C17orf113: variants seen among roughly 807,000 people sequenced by gnomAD.
C17orf113 encodes chromosome 17 open reading frame 113.
C17orf113 carries 5 observed loss-of-function variants against 11.6 expected under a neutral mutation model. That is an observed-to-expected ratio of 0.43 (90% confidence interval 0.23 to 0.91). The LOEUF (loss-of-function observed/expected upper bound fraction) is 0.91. C17orf113 is among the 40% of genes least tolerant of loss of function. The pLI, the probability that C17orf113 is intolerant of heterozygous loss-of-function variation, is 0.26. For missense variants in C17orf113, 714 were observed against 841.3 expected, an observed-to-expected ratio of 0.85 and a Z score of 1.87; for synonymous variants, 327 against 390.6, an observed-to-expected ratio of 0.84 and a Z score of 1.92.
chr17:42,043,315 C>T lies in C17orf113; in HGVS notation c.62G>A (p.Arg21His), dbSNP rs566673078. Residue 21 changes from arginine (R) to histidine (H), a missense_variant, in exon 2 of 3, where the codon CGT becomes CAT. Transcript: ENST00000587304. The stretch of plus-strand genomic sequence containing the variant: ...CTCTTTCCAGTGCTCGTTGAAGTAA[C>T]GCTTACACTTCTTGTTGGAGTTGGA... ...EASNSNKKCK[R>H]YFNEHWKEEF... 7 of 1,232,242 alleles carry T rather than the reference C, an allele frequency of 5.7e-6. No individual in the cohort carries two copies. The highest frequency in any genetic ancestry group is 4.6e-5 in the African/African-American group (3 of 64,538). The allele number at this position is 1,232,242 out of a possible 1,614,324, so 76.3% of individuals were successfully genotyped here. A position where few individuals can be genotyped will look rare whatever the true frequency, so the allele number is the denominator to read the frequency against.
intron 2 of C17orf113, among the ~76,000 whole-genome samples, chr17:42,041,809 T>C (rs2143659300): frequency 6.6e-6 from 1 of 152,218 alleles, no homozygotes; most frequent in South Asian, 2.1e-4. Flanking sequence ...ACACAGTTAG[T>C]ACCTAGGACA....
Position 42,038,316 on chromosome 17 carries a change from T to A in C17orf113, c.*1389A>T. 1 of 472,570 alleles carries A rather than the reference T, an allele frequency of 2.1e-6. No homozygotes were observed. The highest frequency in any genetic ancestry group is 2.9e-5 in the South Asian group (1 of 34,558). 29.3% of individuals were successfully genotyped at this position (472,570 alleles called of 1,614,324 possible). The stretch of plus-strand genomic sequence containing the variant: ...AGGCTAGCCCTCGCCCCTCTCACTC[T>A]CTAACTATCCTCCCTCCCTCCAGAT... On this transcript the variant is annotated 3_prime_UTR_variant, in exon 3 of 3. Coordinates refer to ENST00000587304, the MANE Select transcript of C17orf113 (RefSeq NM_001358661.2).
intron 2 of C17orf113, among the ~76,000 whole-genome samples, 200 bp downstream of exon 2, chr17:42,042,634 G>C (rs2053052385): frequency 6.6e-6 from 1 of 152,190 alleles, no homozygotes; most frequent in Non-Finnish European, 1.5e-5. Context: ...TAAGAGGCCT[G>C]GTCTGGCCTC....
chr17:42,047,621 C>A (rs2053193672), intron 1 of C17orf113, among the ~76,000 whole-genome samples: 1 of 151,750 alleles, frequency 6.6e-6, no homozygotes, highest in African/African-American at 2.4e-5. Context: ...GAAAGGCTGC[C>A]AGATGCAATC....
intron 2 of C17orf113, among the ~76,000 whole-genome samples, chr17:42,042,510 A>C (rs2053048714): frequency 6.6e-6 from 1 of 151,616 alleles, no homozygotes; most frequent in Non-Finnish European, 1.5e-5. Context: ...TGACAGAGTG[A>C]GATTCCTCAA....
chr17:42,042,156 G>C (rs1219417156), intron 2 of C17orf113, among the ~76,000 whole-genome samples: 1 of 152,092 alleles, frequency 6.6e-6, no homozygotes, highest in Non-Finnish European at 1.5e-5. Context: ...AGGATTGCTT[G>C]AGGCCAGGAG....
At chr17:42,047,066 C>CT (rs2053178759) in intron 1 of C17orf113, among the ~76,000 whole-genome samples, 2 of 132,760 alleles carry the variant, frequency 1.5e-5, no homozygotes, top group Non-Finnish European at 3.1e-5. Context: ...CAATTTCACT[C>CT]TGTCACCCAG....
At chr17:42,043,780 A>G (rs1325322636) in intron 1 of C17orf113, among the ~76,000 whole-genome samples, 1 of 152,128 alleles carries the variant, frequency 6.6e-6, no homozygotes, top group Non-Finnish European at 1.5e-5. Context: ...GCCCCCTCCC[A>G]GGGTCTCTTT....
At chr17:42,041,272 G>C (rs2053014592) in intron 2 of C17orf113, 83 bp from the exon 3 acceptor site, 1 of 1,159,684 alleles carries the variant, frequency 8.6e-7, no homozygotes. Context: ...CGGGGTGGTG[G>C]AAAGAGCCCA....
rs1449985663 is a variant in C17orf113, at chr17:42,042,943, T to C, written c.434A>G (p.Asn145Ser). 4.1e-6 allele frequency: 5 copies of C among 1,232,374 alleles called. No homozygotes were observed. Among genetic ancestry groups the C allele is most frequent in the South Asian group, 8.2e-5 (2 of 24,326 alleles). 76.3% of individuals were successfully genotyped at this position (1,232,374 alleles called of 1,614,324 possible). A position where few individuals can be genotyped will look rare whatever the true frequency, so the allele number is the denominator to read the frequency against. Residue 145 changes from asparagine (N) to serine (S), a missense_variant, in exon 2 of 3, where the codon AAT becomes AGT. Coordinates refer to ENST00000587304, the MANE Select transcript of C17orf113 (RefSeq NM_001358661.2). The part of the protein sequence containing the change: ...VYCMAKEDVP[N>S]DRCSALLELQ... ...CTCGAGCAGGGCAGAGCAGCGGTCA[T>C]TGGGCACATCCTCCTTTGCCATGCA...
At chr17:42,047,628 A>G (rs1194824433) in intron 1 of C17orf113, among the ~76,000 whole-genome samples, 1 of 151,812 alleles carries the variant, frequency 6.6e-6, no homozygotes, top group Non-Finnish European at 1.5e-5. Context: ...TGCCAGATGC[A>G]ATCGTAACTT....
chr17:42,042,036 A>G (rs75771390), intron 2 of C17orf113, among the ~76,000 whole-genome samples: 17,213 of 152,158 alleles, frequency 0.11, 1,138 homozygotes, highest in African/African-American at 0.17. Flanking sequence ...TTTTTCAAAA[A>G]CATTATGAAA....
At chr17:42,047,198 A>C (rs2053181855) in intron 1 of C17orf113, among the ~76,000 whole-genome samples, 1 of 151,762 alleles carries the variant, frequency 6.6e-6, no homozygotes, top group Admixed American at 6.6e-5. Flanking sequence ...TGCCCGGCTA[A>C]TTTTTTTGTA....
In C17orf113 at chr17:42,039,789, CGG is replaced by C; in HGVS notation, c.1942_1943del (p.Pro648AlafsTer5). The C allele has an allele frequency of 4.1e-6, 5 of 1,228,712 alleles. No individual in the cohort carries two copies. The highest frequency in any genetic ancestry group is 5.1e-6 in the Non-Finnish European group (5 of 986,002). The allele number at this position is 1,228,712 out of a possible 1,614,324, so 76.1% of individuals were successfully genotyped here. A position where few individuals can be genotyped will look rare whatever the true frequency, so the allele number is the denominator to read the frequency against. Reference protein sequence around the residue: ...HMVKIAVDGPPLHEFDFGLAV... With the variant: ...HMVKIAVDGPXLHEFDFGLAV... The stretch of plus-strand genomic sequence containing the variant: ...CCAACCCGAAGTCAAACTCGTGCAG[CGG>C]GGGCCCATCCACTGCGATCTTCACC... On this transcript the variant is annotated frameshift_variant, in exon 3 of 3. Coordinates refer to ENST00000587304, the MANE Select transcript of C17orf113 (RefSeq NM_001358661.2). LOFTEE classifies it high-confidence loss of function.
intron 1 of C17orf113, 83 bp from the exon 2 acceptor site, chr17:42,043,646 G>A: frequency 3.3e-6 from 1 of 304,184 alleles, no homozygotes. Flanking sequence ...GCTTCATGCT[G>A]CCCACAGAGT....
chr17:42,042,563 C>T (rs886643085), intron 2 of C17orf113, among the ~76,000 whole-genome samples: 70 of 152,194 alleles, frequency 4.6e-4, no homozygotes, highest in African/African-American at 1.6e-3. Flanking sequence ...TCAATCAAGC[C>T]TCCAGGCCAC....
chr17:42,042,976 G>A lies in C17orf113; in HGVS notation c.401C>T (p.Thr134Ile). ...LDPAKVAVLT[T>I]VYCMAKEDVP... ...ATCCTCCTTTGCCATGCAGTACACAGTAGTCAGCACAGCCACTTTGGCCGG... is the reference window on the plus strand; with the variant it reads ...ATCCTCCTTTGCCATGCAGTACACAATAGTCAGCACAGCCACTTTGGCCGG... Residue 134 changes from threonine to isoleucine, a missense_variant, in exon 2 of 3, where the codon ACT (threonine) becomes ATT (isoleucine). By Grantham distance (89) the Thr-to-Ile change is moderately conservative. This residue lies in a region of C17orf113 where 516 missense variants were observed against 626.6 expected (regional missense o/e 0.82). Transcript: ENST00000587304. 8.1e-7 allele frequency: 1 copy of A among 1,232,464 alleles called. No individual in the cohort carries two copies. The allele number at this position is 1,232,464 out of a possible 1,614,324, so 76.3% of individuals were successfully genotyped here. A position where few individuals can be genotyped will look rare whatever the true frequency, so the allele number is the denominator to read the frequency against.
At chr17:42,047,977 G>A (rs1327447390) in intron 1 of C17orf113, among the ~76,000 whole-genome samples, 1 of 152,036 alleles carries the variant, frequency 6.6e-6, no homozygotes, top group Non-Finnish European at 1.5e-5. Context: ...GTGGCACTTG[G>A]TGATGCTCAC....
rs966696523 is a variant in C17orf113 at position 42,050,112 on chromosome 17, C to T, written c.-188+445G>A. Among the ~76,000 whole-genome samples, 1 of 152,188 alleles carries T rather than the reference C, an allele frequency of 6.6e-6. No homozygotes were observed. The highest frequency in any genetic ancestry group is 2.1e-4 in the South Asian group (1 of 4,832). ...AAGGCTGACCAGGAGGGCACACTTG[C>T]TGCAGACACAGGTCTCCTCTCATTT... is the stretch of plus-strand genomic sequence containing the variant. On this transcript the variant is annotated intron_variant, in intron 1 of 2. Transcript: ENST00000587304. The surrounding 1 kb of genome is among the most constrained non-coding windows in gnomAD (Gnocchi z 5.6).
Sources: allele counts gnomAD v4.1 joint callset (sites outside exome capture counted in the v4.1 genomes callset), GRCh38; gene constraint gnomAD v4.1.1; regional missense constraint gnomAD v4.1.1; non-coding constraint Gnocchi (gnomAD v3.1); transcripts MANE v1.5; gene names NCBI Gene and HGNC (gene_info 2026-07-23, HGNC 2026-07-21).